Variants in SNX8 observed in about 807,000 individuals in gnomAD.
SNX8 encodes sorting nexin 8.
A neutral mutation model predicts 51.6 loss-of-function variants in SNX8; 25 were observed. The ratio of observed to expected loss-of-function variants is 0.48; its 90% CI spans 0.35 to 0.68. The LOEUF (loss-of-function observed/expected upper bound fraction) is 0.68, where lower values mean the gene tolerates loss of function less well. SNX8 is among the 30% of genes least tolerant of loss of function. The probability of loss-of-function intolerance (pLI) is 0.00; values close to 1 mark genes in which losing one functional copy is unlikely to be tolerated. For synonymous variants in SNX8, 324 were observed against 277.0 expected (o/e 1.17, Z -1.68); for missense variants, 695 against 624.0 (o/e 1.11, Z -1.21).
upstream of SNX8, among the ~76,000 whole-genome samples, chr7:2,317,307 C>G (rs538386411): frequency 8.6e-4 from 84 of 97,640 alleles, 1 homozygote; most frequent in Non-Finnish European, 9.8e-4. Context: ...GAGACAGAGT[C>G]TCACTCTGTT....
In SNX8 at chr7:2,257,487, C is replaced by T; in HGVS notation, c.1012G>A (p.Val338Met). 1.2e-6 allele frequency: 2 copies of T among 1,605,660 alleles called. No homozygotes were observed. Among genetic ancestry groups the T allele is most frequent in the South Asian group, 2.2e-5 (2 of 90,472 alleles). ...AGGGCCCGCTGGTGCTTGTGCAACA[C>T]GCCCTTCTCATGCCGCTCGCACAGG... ...KDLCERHEKGVLHKHQRALHK... is the reference protein window; with the variant it reads ...KDLCERHEKGMLHKHQRALHK... The change falls in exon 9 of 11, where the codon GTG becomes ATG. Residue 338 changes from valine to methionine, a missense_variant. Val to Met is a conservative substitution (Grantham distance 21). Coordinates refer to ENST00000222990, the MANE Select transcript of SNX8 (RefSeq NM_013321.4).
At chr7:2,256,680 C>T (rs1795186371) in intron 10 of SNX8, among the ~76,000 whole-genome samples, 194 bp downstream of exon 10, 1 of 152,220 alleles carries the variant, frequency 6.6e-6, no homozygotes, top group Admixed American at 6.5e-5. Flanking sequence ...GGGACACCCT[C>T]ACGATTCTGA....
At chr7:2,300,789 C>T (rs1222876191) in intron 1 of SNX8, among the ~76,000 whole-genome samples, 2 of 152,062 alleles carry the variant, frequency 1.3e-5, no homozygotes, top group African/African-American at 4.8e-5. Context: ...ATTATAGGCG[C>T]ATGCCACCAC....
chr7:2,273,453 G>A (rs1795696334), intron 3 of SNX8, among the ~76,000 whole-genome samples: 1 of 151,602 alleles, frequency 6.6e-6, no homozygotes, highest in Non-Finnish European at 1.5e-5. Context: ...AGGCGTGGTG[G>A]CGGGCGCCTG....
chr7:2,313,513 G>T (rs1168258832), intron 1 of SNX8, among the ~76,000 whole-genome samples: 1 of 132,176 alleles, frequency 7.6e-6, no homozygotes, highest in Admixed American at 8.2e-5. Flanking sequence ...GTGACAGTGA[G>T]AATCTGTCTC....
intron 5 of SNX8, among the ~76,000 whole-genome samples, chr7:2,266,674 T>A (rs1795472105): frequency 6.6e-6 from 1 of 152,032 alleles, no homozygotes; most frequent in Non-Finnish European, 1.5e-5. Context: ...TGCTTTTTTT[T>A]GTTTTCCTTT....
At chr7:2,334,555 T>C (rs961418542) in intron 1 of SNX8, among the ~76,000 whole-genome samples, 1 of 151,444 alleles carries the variant, frequency 6.6e-6, no homozygotes, top group African/African-American at 2.4e-5. Flanking sequence ...GAAAAAAAAT[T>C]AGCTGGGCGT....
chr7:2,339,542 C>A (rs945601278), intron 1 of SNX8, among the ~76,000 whole-genome samples: 4 of 152,108 alleles, frequency 2.6e-5, no homozygotes, highest in Non-Finnish European at 5.9e-5. Context: ...AGACCTAGAA[C>A]TATTCACAGA....
At position 2,271,822 on chromosome 7, in the gene SNX8, G is replaced by A. The variant is rs565307948; in HGVS notation, c.540+28C>T. The A allele has an allele frequency of 2.1e-5, 33 of 1,581,286 alleles. 1 individual carries two copies. The highest frequency in any genetic ancestry group is 7.4e-5 in the Admixed American group (4 of 54,208). On this transcript the variant is annotated intron_variant, in intron 4 of 10. Transcript: ENST00000222990. ...GGAGGCTCGGGGACTCCCCGGGGCC[G>A]GGACATGGGCAGGGCAGACACACTC...
intron 1 of SNX8, among the ~76,000 whole-genome samples, chr7:2,293,442 T>C (rs547284043): frequency 3.3e-5 from 5 of 151,134 alleles, no homozygotes; most frequent in African/African-American, 1.2e-4. Context: ...GATCATGAGG[T>C]CAGGAGATCG....
intron 1 of SNX8, among the ~76,000 whole-genome samples, chr7:2,294,738 G>T (rs1231505314): frequency 5.9e-5 from 9 of 152,152 alleles, no homozygotes; most frequent in Non-Finnish European, 1.3e-4. Context: ...CGAGGTCCCT[G>T]CTCTAAAATG....
At chr7:2,309,879 G>A (rs1281376500) in intron 1 of SNX8, 1 of 470,976 alleles carries the variant, frequency 2.1e-6, no homozygotes, top group Admixed American at 2.4e-5. Context: ...GGCAAGAGGG[G>A]AAGGCTCGGG....
chr7:2,334,263 CGTGG>C (rs1778786367), intron 1 of SNX8, among the ~76,000 whole-genome samples: 1 of 152,018 alleles, frequency 6.6e-6, no homozygotes, highest in Non-Finnish European at 1.5e-5. Context: ...ATTAGCCAGG[CGTGG>C]TGGCGGGCAC....
At chr7:2,294,878 TA>T (rs1344341846) in intron 1 of SNX8, among the ~76,000 whole-genome samples, 1 of 150,676 alleles carries the variant, frequency 6.6e-6, no homozygotes, top group African/African-American at 2.4e-5. Context: ...TACAAAAAAA[TA>T]AAAAGTCAGG....
chr7:2,341,209 AG>A (rs1778917724), intron 1 of SNX8, among the ~76,000 whole-genome samples: 1 of 151,706 alleles, frequency 6.6e-6, no homozygotes, highest in African/African-American at 2.4e-5. Flanking sequence ...AGAAAAGAAA[AG>A]AAAAAAGAAA....
At chr7:2,325,808 G>C (rs547665539) in intron 1 of SNX8, among the ~76,000 whole-genome samples, 1 of 151,770 alleles carries the variant, frequency 6.6e-6, no homozygotes, top group Non-Finnish European at 1.5e-5. Context: ...CCCCAGCCTC[G>C]GCAACAGAGC....
chr7:2,333,981 T>C (rs1305873751), intron 1 of SNX8, among the ~76,000 whole-genome samples: 1 of 151,826 alleles, frequency 6.6e-6, no homozygotes, highest in Non-Finnish European at 1.5e-5. Context: ...TACAAAAATT[T>C]AAAAATTAGC....
At chr7:2,256,840 G>C (rs1402259275) in intron 10 of SNX8, 34 bp downstream of exon 10, 3 of 1,591,594 alleles carry the variant, frequency 1.9e-6, no homozygotes, top group Admixed American at 3.4e-5. Context: ...GAAAGGCCGT[G>C]GCCGAGACGG....
At chr7:2,333,494 C>G (rs1056227309) in intron 1 of SNX8, among the ~76,000 whole-genome samples, 3 of 152,022 alleles carry the variant, frequency 2.0e-5, no homozygotes, top group Non-Finnish European at 4.4e-5. Flanking sequence ...CCCAGCAGTT[C>G]AAGGCTGTGG....
Sources: gnomAD v4.1 joint callset for allele counts (sites outside exome capture counted in the v4.1 genomes callset) on GRCh38, gnomAD v4.1.1 for gene constraint, MANE v1.5 for transcripts, NCBI Gene and HGNC (gene_info 2026-07-23, HGNC 2026-07-21) for gene names.